The following LRRTM4 variants were observed in gnomAD, a reference collection of about 807,000 sequenced individuals.
LRRTM4 encodes leucine rich repeat transmembrane neuronal 4.
Under a neutral mutation model 47.6 loss-of-function variants are expected in LRRTM4, and 25 were observed. The ratio of observed to expected loss-of-function variants is 0.53; its 90% CI spans 0.38 to 0.73. The LOEUF is 0.73. Among genes scored for constraint, LRRTM4 ranks in the 30% least tolerant of loss-of-function variants. The pLI is 0.00. For missense variants in LRRTM4, 638 were observed against 713.4 expected (o/e 0.89, Z 1.20); for synonymous variants, 311 against 269.5 (o/e 1.15, Z -1.51).
chr2:77,139,704 T>C (rs929640426), intron 3 of LRRTM4, among the ~76,000 whole-genome samples: 8 of 152,174 alleles, frequency 5.3e-5, no homozygotes, highest in Non-Finnish European at 8.8e-5. Context: ...GTAGATGATA[T>C]GATTATATAT....
intron 3 of LRRTM4, among the ~76,000 whole-genome samples, chr2:76,775,486 T>C (rs1417885443): frequency 1.3e-5 from 2 of 152,288 alleles, no homozygotes; most frequent in Middle Eastern, 3.4e-3. Context: ...AGGGCAATTA[T>C]ATACTGGAAA....
intron 3 of LRRTM4, among the ~76,000 whole-genome samples, chr2:77,011,093 G>T (rs906366912): frequency 6.6e-6 from 1 of 152,026 alleles, no homozygotes; most frequent in Non-Finnish European, 1.5e-5. Flanking sequence ...AGAATATAAT[G>T]CAAGTCCCAA....
intron 3 of LRRTM4, among the ~76,000 whole-genome samples, chr2:77,208,035 T>C (rs1674190398): frequency 6.6e-6 from 1 of 151,800 alleles, no homozygotes; most frequent in South Asian, 2.1e-4. Context: ...CCTGCCACCA[T>C]GCTCAGCTAA....
rs146045913 is a variant in LRRTM4, at chr2:76,973,126, G to A, written c.1552-224210C>T. ...AAGTAAGATATAAATTAATTTTTTC[G>A]TAAAAAGTGCTATACTTAATGGTAG... On this transcript the variant is annotated intron_variant, in intron 3 of 3. Coordinates refer to ENST00000409884, the MANE Select transcript of LRRTM4 (RefSeq NM_001134745.3). 1.4e-3 allele frequency among the ~76,000 whole-genome samples: 214 copies of A among 150,650 alleles called. 1 individual carries two copies. The highest frequency in any genetic ancestry group is 4.6e-3 in the African/African-American group (185 of 40,574).
At chr2:77,328,384 G>T (rs1188139791) in intron 3 of LRRTM4, among the ~76,000 whole-genome samples, 1 of 152,150 alleles carries the variant, frequency 6.6e-6, no homozygotes, top group Non-Finnish European at 1.5e-5. Flanking sequence ...TTTCCATGGA[G>T]AATCCTGAAG....
intron 3 of LRRTM4, among the ~76,000 whole-genome samples, chr2:77,266,759 G>A (rs1676060857): frequency 6.6e-6 from 1 of 152,106 alleles, no homozygotes; most frequent in African/African-American, 2.4e-5. Context: ...AACTGTTGGG[G>A]CTTCAGACTG....
chr2:77,312,651 C>A (rs1014404488), intron 3 of LRRTM4, among the ~76,000 whole-genome samples: 9 of 152,120 alleles, frequency 5.9e-5, no homozygotes, highest in African/African-American at 1.9e-4. Flanking sequence ...CACACACTCA[C>A]ACACACTCTT....
At chr2:77,011,112 C>A (rs185218920) in intron 3 of LRRTM4, among the ~76,000 whole-genome samples, 1 of 152,062 alleles carries the variant, frequency 6.6e-6, no homozygotes, top group Non-Finnish European at 1.5e-5. Context: ...AAATATGAGG[C>A]ACAAGTATAA....
At position 77,381,291 on chromosome 2, in the gene LRRTM4, T is replaced by C. The variant is rs561806021; in HGVS notation, c.1551+137027A>G. The stretch of plus-strand genomic sequence containing the variant: ...AGAGATTACAGAAGTCAATGGGCTT[T>C]CCACAAATGTTACATATACCAAAAG... On this transcript the variant is annotated intron_variant, in intron 3 of 3. Coordinates refer to ENST00000409884, the MANE Select transcript of LRRTM4 (RefSeq NM_001134745.3). Among the ~76,000 whole-genome samples, 365 of 152,166 alleles carry C rather than the reference T, an allele frequency of 2.4e-3. 1 individual carries two copies. Among genetic ancestry groups the C allele is most frequent in the Non-Finnish European group, 4.2e-3 (286 of 67,986 alleles).
intron 3 of LRRTM4, among the ~76,000 whole-genome samples, chr2:76,775,136 G>C (rs558207598): frequency 1.6e-4 from 25 of 152,078 alleles, no homozygotes; most frequent in Non-Finnish European, 3.1e-4. Context: ...TAAATCTTAT[G>C]AATTCATTCA....
chr2:77,206,148 C>G (rs1189847912), intron 3 of LRRTM4, among the ~76,000 whole-genome samples: 2 of 149,264 alleles, frequency 1.3e-5, no homozygotes, highest in African/African-American at 4.9e-5. Context: ...TAGCTGTCTT[C>G]TTTGCCAATA....
chr2:77,337,707 A>G (rs1671217435), intron 3 of LRRTM4, among the ~76,000 whole-genome samples: 1 of 152,136 alleles, frequency 6.6e-6, no homozygotes, highest in Non-Finnish European at 1.5e-5. Flanking sequence ...CTGTAAGTCA[A>G]TTAAACCTCT....
chr2:77,200,551 T>C (rs923914964), intron 3 of LRRTM4, among the ~76,000 whole-genome samples: 4 of 152,140 alleles, frequency 2.6e-5, no homozygotes, highest in Non-Finnish European at 4.4e-5. Context: ...CTCTTTTTAA[T>C]GGACAATATG....
At chr2:77,314,144 T>C (rs1376763855) in intron 3 of LRRTM4, among the ~76,000 whole-genome samples, 5 of 152,206 alleles carry the variant, frequency 3.3e-5, no homozygotes, top group Admixed American at 3.3e-4. Context: ...TTTATCATAT[T>C]CAAAGCTTCT....
chr2:77,049,120 T>TATATA (rs1553377397), intron 3 of LRRTM4, among the ~76,000 whole-genome samples: 1 of 66,472 alleles, frequency 1.5e-5, no homozygotes, highest in Non-Finnish European at 2.5e-5. Flanking sequence ...ATATTTCATT[T>TATATA]TTTATATATA....
chr2:77,092,086 ACT>A (rs1205748467), intron 3 of LRRTM4, among the ~76,000 whole-genome samples: 2 of 151,604 alleles, frequency 1.3e-5, no homozygotes, highest in Non-Finnish European at 2.9e-5. Flanking sequence ...TGCTCAACTC[ACT>A]CTCTACAGTT....
At chr2:77,415,108 GA>G (rs1173025536) in intron 3 of LRRTM4, among the ~76,000 whole-genome samples, 6 of 152,152 alleles carry the variant, frequency 3.9e-5, no homozygotes, top group Non-Finnish European at 8.8e-5. Context: ...GTGCACTACA[GA>G]TCATATTCAC....
chr2:77,469,837 C>T (rs1677118081), intron 3 of LRRTM4, among the ~76,000 whole-genome samples: 1 of 151,986 alleles, frequency 6.6e-6, no homozygotes, highest in South Asian at 2.1e-4. Flanking sequence ...GTACTTCATA[C>T]TCTTGATGAC....
rs376995797 is a variant in LRRTM4, at chr2:77,426,254, A to G, written c.1551+92064T>C. ...TAGTGTCTTTCACTAACTAACACCA[A>G]TTTTCTTAGTTCAGCTGTGATTTAA... On this transcript the variant is annotated intron_variant, in intron 3 of 3. Transcript: ENST00000409884. 7.2e-5 allele frequency among the ~76,000 whole-genome samples: 11 copies of G among 152,098 alleles called. No individual in the cohort carries two copies. In the South Asian group the frequency reaches 1.0e-3, roughly 14 times the overall value.
Sources: allele counts gnomAD v4.1 joint callset (sites outside exome capture counted in the v4.1 genomes callset), GRCh38; gene constraint gnomAD v4.1.1; transcripts MANE v1.5; gene names NCBI Gene and HGNC (gene_info 2026-07-23, HGNC 2026-07-21).